The following KIT variants were observed in gnomAD, a reference collection of about 807,000 sequenced individuals.
KIT encodes the protein mast/stem cell growth factor receptor Kit.
In KIT, 16 loss-of-function variants were observed where a neutral mutation model predicts 105.7. That is an observed-to-expected ratio of 0.15 (90% CI 0.10 to 0.23). The LOEUF (loss-of-function observed/expected upper bound fraction) is 0.23. Ranked by LOEUF, KIT falls within the 10% of genes least tolerant of loss-of-function variation. The probability of loss-of-function intolerance (pLI) is 1.00; values close to 1 mark genes in which losing one functional copy is unlikely to be tolerated. For missense variants in KIT, 858 were observed against 1,213.8 expected (o/e 0.71, Z 4.36); for synonymous variants, 438 against 441.1 (o/e 0.99, Z 0.09).
At chr4:54,669,383 G>A (rs990639748) in intron 1 of KIT, among the ~76,000 whole-genome samples, 4 of 152,260 alleles carry the variant, frequency 2.6e-5, no homozygotes, top group African/African-American at 9.6e-5. Flanking sequence ...CTGGCCCAGA[G>A]CATTGTGTGT....
chr4:54,699,799 G>C (rs1211465126), intron 4 of KIT, 33 bp downstream of exon 4: 1 of 1,612,586 alleles, frequency 6.2e-7, no homozygotes, highest in South Asian at 1.1e-5. Context: ...CTCATGTTCT[G>C]TCTCTGTGGG....
chr4:54,705,858 G>A (rs115783714), intron 5 of KIT, among the ~76,000 whole-genome samples: 2,817 of 152,126 alleles, frequency 0.019, 74 homozygotes, highest in African/African-American at 0.062. Context: ...CTCCAGCCTG[G>A]GCAACAGAGG....
At chr4:54,731,755 C>T in intron 15 of KIT, 116 bp from the exon 16 acceptor site, 2 of 1,073,874 alleles carry the variant, frequency 1.9e-6, no homozygotes, top group Non-Finnish European at 2.9e-6. Context: ...AGTGATCTGC[C>T]TGCAAGTTCA....
chr4:54,724,876 A>G (rs1318835915), intron 8 of KIT, among the ~76,000 whole-genome samples: 1 of 152,188 alleles, frequency 6.6e-6, no homozygotes, highest in African/African-American at 2.4e-5. Context: ...AGCTTGTTCT[A>G]GTGGGTAGAA....
In KIT at chr4:54,739,660, AT is replaced by A. The variant is rs1578011582; in HGVS notation, c.*1104del. On this transcript the variant is annotated 3_prime_UTR_variant, in exon 21 of 21. Coordinates refer to ENST00000288135, the MANE Select transcript of KIT (RefSeq NM_000222.3). ...CTGGACACCGGGCCAGTATCTATAT[AT>A]GTGTATGTACGTTTGTATGTGTGTA... 3.4e-5 allele frequency: 8 copies of A among 233,590 alleles called. No individual in the cohort carries two copies. The East Asian group carries it at 4.8e-4, about 14-fold the overall frequency. The allele number at this position is 233,590 out of a possible 1,614,324, so 14.5% of individuals were successfully genotyped here.
intron 1 of KIT, among the ~76,000 whole-genome samples, chr4:54,672,805 T>C (rs1373822119): frequency 6.6e-6 from 1 of 152,208 alleles, no homozygotes; most frequent in African/African-American, 2.4e-5. Context: ...TTTCCTGGCA[T>C]TTTGGTTTTC....
At chr4:54,699,128 G>C (rs1195906664) in intron 3 of KIT, among the ~76,000 whole-genome samples, 1 of 152,180 alleles carries the variant, frequency 6.6e-6, no homozygotes, top group Non-Finnish European at 1.5e-5. Context: ...ACACCAGTTG[G>C]CATTCAGCTA....
intron 1 of KIT, among the ~76,000 whole-genome samples, chr4:54,682,436 C>CT (rs368264394): frequency 2.2e-3 from 319 of 147,176 alleles, no homozygotes; most frequent in African/African-American, 5.0e-3. Flanking sequence ...TCTTTTTTTT[C>CT]TTTTTTTTTT....
Position 54,684,269 on chromosome 4 carries a change from C to T in KIT, c.68-11243C>T, listed in dbSNP as rs116648978. Among the ~76,000 whole-genome samples, 963 of 152,154 alleles carry T rather than the reference C, an allele frequency of 6.3e-3. 12 individuals are homozygous for T. The highest frequency in any genetic ancestry group is 0.022 in the African/African-American group (916 of 41,496). ...GTGTGACATCCCTCTCTAGCCTTGG[C>T]GAACCTGGGAAACACTTCGTCTCAC... On this transcript the variant is annotated intron_variant, in intron 1 of 20. Coordinates refer to ENST00000288135, the MANE Select transcript of KIT (RefSeq NM_000222.3).
At chr4:54,660,958 T>C (rs187949981) in intron 1 of KIT, among the ~76,000 whole-genome samples, 99 of 152,342 alleles carry the variant, frequency 6.5e-4, no homozygotes, top group South Asian at 1.7e-3. Context: ...GCGTGTCTTA[T>C]GAAAGCGGAT....
At position 54,740,498 on chromosome 4, in the gene KIT, T is replaced by C. The variant is rs1723183362; in HGVS notation, c.*1941T>C. ...TAATGTTTGAAATTATTTTGTGGCT[T>C]TTTTTGTAAATATTGAAATGTAGCA... On this transcript the variant is annotated 3_prime_UTR_variant, in exon 21 of 21. Transcript: ENST00000288135. The C allele has an allele frequency of 4.3e-6, 1 of 233,180 alleles. No homozygotes were observed. Among genetic ancestry groups the C allele is most frequent in the Non-Finnish European group, 8.5e-6 (1 of 117,814 alleles). 14.4% of individuals were successfully genotyped at this position (233,180 alleles called of 1,614,324 possible).
chr4:54,729,523 G>A (rs768044806), intron 14 of KIT, 38 bp downstream of exon 14: 4 of 1,603,316 alleles, frequency 2.5e-6, no homozygotes, highest in Non-Finnish European at 3.4e-6. Context: ...CTGTTGACAG[G>A]CAGTTCATGG....
At chr4:54,733,786 G>A (rs1722747367) in intron 17 of KIT, among the ~76,000 whole-genome samples, 1 of 152,106 alleles carries the variant, frequency 6.6e-6, no homozygotes, top group East Asian at 1.9e-4. Context: ...AGAAACTAAG[G>A]CATGGCATAT....
rs878853761 is a variant in KIT, at chr4:54,725,974, G to A, written c.1464G>A (p.Thr488=). 17 of 1,613,978 alleles carry A rather than the reference G, an allele frequency of 1.1e-5. No homozygotes were observed. The highest frequency in any genetic ancestry group is 3.3e-4 in the Middle Eastern group (2 of 6,084). ...CTAGTGCATTCAAGCACAATGGCAC[G>A]GTTGAATGTAAGGCTTACAACGATG... ...IDSSAFKHNG[T]VECKAYNDVG... Residue 488 remains threonine (T), a synonymous_variant, in exon 9 of 21, where the codon ACG becomes ACA. Transcript: ENST00000288135.
At chr4:54,710,587 C>T (rs1033172261) in intron 7 of KIT, among the ~76,000 whole-genome samples, 7 of 94,348 alleles carry the variant, frequency 7.4e-5, no homozygotes, top group African/African-American at 2.1e-4. Flanking sequence ...CACTCTCTCT[C>T]CCTGTCTGGA....
At chr4:54,698,688 G>A in intron 3 of KIT, 123 bp downstream of exon 3, 1 of 1,110,384 alleles carries the variant, frequency 9.0e-7, no homozygotes, top group Non-Finnish European at 1.3e-6. Context: ...AGTTCCCCCA[G>A]CTTCAAAAAA....
In KIT at chr4:54,695,509, C is replaced by T. The variant is rs2109660261; in HGVS notation, c.68-3C>T. 15 of 1,614,106 alleles carry T rather than the reference C, an allele frequency of 9.3e-6. No individual in the cohort carries two copies. The highest frequency in any genetic ancestry group is 1.3e-5 in the Non-Finnish European group (15 of 1,179,984). ...CTCAACACGATTCTGTTTTTCTTGG[C>T]AGGCTCTTCTCAACCATCTGTGAGT... On this transcript the variant is annotated splice_polypyrimidine_tract_variant and splice_region_variant and intron_variant, in intron 1 of 20. Transcript: ENST00000288135.
At position 54,661,651 on chromosome 4, in the gene KIT, T is replaced by C. The variant is rs188515504; in HGVS notation, c.67+3570T>C. Among the ~76,000 whole-genome samples the C allele has an allele frequency of 8.5e-5, 13 of 152,260 alleles. No individual in the cohort carries two copies. The East Asian group carries it at 1.9e-3, about 23-fold the overall frequency. On this transcript the variant is annotated intron_variant, in intron 1 of 20. Transcript: ENST00000288135. ...GTGCGGTAACTTTTAAAAGTTGAGA[T>C]TGAATGACATTTGCAGGAATCCAAA...
At chr4:54,717,134 T>C (rs944926896) in intron 7 of KIT, among the ~76,000 whole-genome samples, 2 of 152,182 alleles carry the variant, frequency 1.3e-5, no homozygotes, top group Non-Finnish European at 2.9e-5. Context: ...TATCTCTTTC[T>C]CCTTATAAAG....
Sources: gnomAD v4.1 joint callset for allele counts (sites outside exome capture counted in the v4.1 genomes callset) on GRCh38, gnomAD v4.1.1 for gene constraint, MANE v1.5 for transcripts, NCBI Gene and HGNC (gene_info 2026-07-23, HGNC 2026-07-21) for gene names.